Variants in TMEM72 observed in about 807,000 individuals in gnomAD.
TMEM72 encodes the protein kidney-specific secretory protein of 37 kDa.
Under a neutral mutation model 16.3 loss-of-function variants are expected in TMEM72, and 9 were observed. The observed-to-expected ratio is 0.55, with a 90% confidence interval of 0.33 to 0.96. The LOEUF (loss-of-function observed/expected upper bound fraction) is 0.96, where lower values mean the gene tolerates loss of function less well. Among genes scored for constraint, TMEM72 ranks in the 40% least tolerant of loss-of-function variants. The pLI is 0.03. For missense variants in TMEM72, 324 were observed against 337.8 expected (o/e 0.96, Z 0.32); for synonymous variants, 160 against 146.5 (o/e 1.09, Z -0.66).
chr10:44,933,757 C>G lies in TMEM72; in HGVS notation c.330C>G (p.Val110=). ...CCTGCTTCCTCCACCCGGTCCTGGT[C>G]TGGCACGTGACCATCCCAGGTAAGA... ...SVACFLHPVL[V]WHVTIPGSML... is the part of the protein sequence containing the mutation. The change falls in exon 4 of 5, where the codon GTC becomes GTG. Residue 110 remains valine, a synonymous_variant. Coordinates refer to ENST00000389583, the MANE Select transcript of TMEM72 (RefSeq NM_001123376.3). 1 of 1,614,022 alleles carries G rather than the reference C, an allele frequency of 6.2e-7. No individual in the cohort carries two copies. The highest frequency in any genetic ancestry group is 8.5e-7 in the Non-Finnish European group (1 of 1,179,938).
intron 2 of TMEM72, among the ~76,000 whole-genome samples, chr10:44,928,819 C>G (rs1840244696): frequency 6.6e-6 from 1 of 151,964 alleles, no homozygotes; most frequent in Non-Finnish European, 1.5e-5. Context: ...TCCATCCACC[C>G]ACCTATCCAT....
chr10:44,926,024 C>G (rs1301119035), intron 1 of TMEM72, among the ~76,000 whole-genome samples: 2 of 150,890 alleles, frequency 1.3e-5, no homozygotes, highest in African/African-American at 5.0e-5. Flanking sequence ...CACACATACA[C>G]TCACACACAC....
chr10:44,931,944 G>A (rs1840303515), intron 2 of TMEM72, 54 bp from the exon 3 acceptor site: 5 of 1,562,934 alleles, frequency 3.2e-6, no homozygotes, highest in Admixed American at 3.7e-5. Flanking sequence ...ACAGCCCTCA[G>A]GAAAGCAAAG....
At chr10:44,914,832 T>C (rs1234365357) in intron 1 of TMEM72, among the ~76,000 whole-genome samples, 1 of 152,216 alleles carries the variant, frequency 6.6e-6, no homozygotes, top group Non-Finnish European at 1.5e-5. Context: ...TGGTCCCAGT[T>C]GCAGGCTAGG....
At chr10:44,914,036 C>G (rs561691979) in intron 1 of TMEM72, among the ~76,000 whole-genome samples, 68 of 152,328 alleles carry the variant, frequency 4.5e-4, no homozygotes, top group African/African-American at 1.6e-3. Context: ...TCCCTGGACC[C>G]CCTGCAGACA....
At chr10:44,932,191 C>T in intron 3 of TMEM72, 122 bp downstream of exon 3, 3 of 1,196,278 alleles carry the variant, frequency 2.5e-6, no homozygotes, top group Non-Finnish European at 3.6e-6. Context: ...GGACAGGAGC[C>T]CCCCACCGAG....
intron 1 of TMEM72, among the ~76,000 whole-genome samples, chr10:44,924,947 G>C (rs977432341): frequency 1.3e-5 from 2 of 152,242 alleles, no homozygotes; most frequent in Non-Finnish European, 2.9e-5. Context: ...AGCTGCCAGG[G>C]CCAAGTTGGG....
chr10:44,931,088 G>T (rs1404727721), intron 2 of TMEM72, among the ~76,000 whole-genome samples: 3 of 152,208 alleles, frequency 2.0e-5, no homozygotes, highest in Non-Finnish European at 4.4e-5. Flanking sequence ...TAGTGACTCT[G>T]GTCATATGGT....
chr10:44,917,435 TA>T (rs1304958341), intron 1 of TMEM72, among the ~76,000 whole-genome samples: 1 of 152,102 alleles, frequency 6.6e-6, no homozygotes, highest in Non-Finnish European at 1.5e-5. Flanking sequence ...GGCTACACTG[TA>T]AAGAGCATTA....
Position 44,934,884 on chromosome 10 carries a change from C to T in TMEM72, c.578C>T (p.Thr193Ile). ...FIHMKSILKGTKKPSALQPPN... is the reference protein window; with the variant it reads ...FIHMKSILKGIKKPSALQPPN... ...CACATGAAGAGTATCCTGAAGGGGA[C>T]TAAGAAGCCCAGTGCCCTCCAGCCC... The change falls in exon 5 of 5, where the codon ACT becomes ATT. Residue 193 changes from threonine to isoleucine, a missense_variant. Thr to Ile is a moderately conservative substitution (Grantham distance 89). Coordinates refer to ENST00000389583, the MANE Select transcript of TMEM72 (RefSeq NM_001123376.3). 3.7e-6 allele frequency: 6 copies of T among 1,613,436 alleles called. No individual in the cohort carries two copies. In the South Asian group the frequency reaches 5.5e-5, roughly 15 times the overall value.
chr10:44,919,803 C>T (rs1840066469), intron 1 of TMEM72: 1 of 152,220 alleles, frequency 6.6e-6, no homozygotes, highest in Admixed American at 6.5e-5. Flanking sequence ...CCTTTTCCCA[C>T]ACTGTCTCTG....
chr10:44,929,467 C>A lies in TMEM72; in HGVS notation c.137+1480C>A, dbSNP rs914697. Among the ~76,000 whole-genome samples, 13 of 152,368 alleles carry A rather than the reference C, an allele frequency of 8.5e-5. No individual in the cohort carries two copies. The East Asian group carries it at 1.2e-3, about 14-fold the overall frequency. On this transcript the variant is annotated intron_variant, in intron 2 of 4. Coordinates refer to ENST00000389583, the MANE Select transcript of TMEM72 (RefSeq NM_001123376.3). ...ACCAGGCTGTGACCTCCACTCCCCCCCCTCCTCAGGATCCACCTCTACCTT... is the reference window on the plus strand; with the variant it reads ...ACCAGGCTGTGACCTCCACTCCCCCACCTCCTCAGGATCCACCTCTACCTT...
At chr10:44,933,512 T>C (rs1840338954) in intron 3 of TMEM72, 125 bp from the exon 4 acceptor site, 1 of 1,322,750 alleles carries the variant, frequency 7.6e-7, no homozygotes, top group Admixed American at 2.4e-5. Context: ...CGCTAGGGCT[T>C]TCTGTTCAGC....
chr10:44,930,426 G>T (rs1195021980), intron 2 of TMEM72, among the ~76,000 whole-genome samples: 1 of 152,102 alleles, frequency 6.6e-6, no homozygotes, highest in Non-Finnish European at 1.5e-5. Context: ...ACTGATAAGG[G>T]GCCATTGGTG....
At chr10:44,930,839 T>C (rs369392582) in intron 2 of TMEM72, among the ~76,000 whole-genome samples, 5 of 152,348 alleles carry the variant, frequency 3.3e-5, no homozygotes, top group African/African-American at 1.2e-4. Context: ...AACCCCAGTT[T>C]ACAGCTGAGG....
At chr10:44,931,977 C>T (rs1840304087) in intron 2 of TMEM72, 21 bp from the exon 3 acceptor site, 1 of 1,608,346 alleles carries the variant, frequency 6.2e-7, no homozygotes, top group Middle Eastern at 1.7e-4. Flanking sequence ...GCCAGCCTCC[C>T]TCACCTGTCT....
chr10:44,924,560 G>T (rs1347296079), intron 1 of TMEM72, among the ~76,000 whole-genome samples: 1 of 152,234 alleles, frequency 6.6e-6, no homozygotes, highest in African/African-American at 2.4e-5. Flanking sequence ...GCTCCCAGCA[G>T]AGCTGCCTGA....
chr10:44,916,014 G>A (rs1158066631), intron 1 of TMEM72, among the ~76,000 whole-genome samples: 2 of 152,166 alleles, frequency 1.3e-5, no homozygotes, highest in Non-Finnish European at 2.9e-5. Flanking sequence ...ACGCTAGAGT[G>A]CTGGGCTCAG....
intron 1 of TMEM72, among the ~76,000 whole-genome samples, chr10:44,917,955 C>A (rs1008766868): frequency 6.6e-6 from 1 of 152,110 alleles, no homozygotes; most frequent in Non-Finnish European, 1.5e-5. Flanking sequence ...CAAGACTGGG[C>A]AATTTACAAA....
Sources: gnomAD v4.1 joint callset for allele counts (sites outside exome capture counted in the v4.1 genomes callset) on GRCh38, gnomAD v4.1.1 for gene constraint, MANE v1.5 for transcripts, NCBI Gene and HGNC (gene_info 2026-07-23, HGNC 2026-07-21) for gene names.